IQCM: variants seen among roughly 807,000 people sequenced by gnomAD.
The protein encoded by IQCM is IQ domain-containing protein M.
IQCM carries 45 observed loss-of-function variants against 57.6 expected under a neutral mutation model. The ratio of observed to expected loss-of-function variants is 0.78; its 90% CI spans 0.62 to 1.00. The LOEUF (loss-of-function observed/expected upper bound fraction) is 1.00. Ranked by LOEUF, IQCM falls within the 50% of genes least tolerant of loss-of-function variation. The pLI is 0.00. For missense variants in IQCM, 468 were observed against 511.6 expected (o/e 0.91, Z 0.82); for synonymous variants, 148 against 158.9 (o/e 0.93, Z 0.51).
chr4:149,685,404 C>T (rs768990551), intron 6 of IQCM, among the ~76,000 whole-genome samples: 1 of 151,410 alleles, frequency 6.6e-6, no homozygotes, highest in Non-Finnish European at 1.5e-5. Flanking sequence ...AATTTCTTTT[C>T]CTTTGTAATT....
chr4:149,540,600 GC>G (rs1747755427), intron 12 of IQCM, among the ~76,000 whole-genome samples: 1 of 151,996 alleles, frequency 6.6e-6, no homozygotes, highest in Non-Finnish European at 1.5e-5. Flanking sequence ...TATGCATGAA[GC>G]CTGAAAATAA....
Position 149,357,618 on chromosome 4 carries a change from T to G in IQCM, c.1391-5552A>C, listed in dbSNP as rs553138377. On this transcript the variant is annotated intron_variant, in intron 13 of 13. Transcript: ENST00000636793. ...GCCCACTTGGTTATGGTGGATAAGC[T>G]TTTTGATGCGTTGCTGGATACGTTT... Among the ~76,000 whole-genome samples, 22 of 152,330 alleles carry G rather than the reference T, an allele frequency of 1.4e-4. 2 individuals are homozygous for G. The highest frequency in any genetic ancestry group is 4.6e-4 in the African/African-American group (19 of 41,570).
intron 12 of IQCM, among the ~76,000 whole-genome samples, chr4:149,528,212 C>T (rs1350160566): frequency 6.6e-6 from 1 of 152,020 alleles, no homozygotes; most frequent in African/African-American, 2.4e-5. Context: ...TCTTGAACTA[C>T]TGACCTCAGA....
chr4:149,735,782 T>C (rs765195954), intron 3 of IQCM, among the ~76,000 whole-genome samples: 4 of 152,182 alleles, frequency 2.6e-5, no homozygotes, highest in Non-Finnish European at 5.9e-5. Context: ...ACTTGATGAC[T>C]AATGTATGAA....
chr4:149,725,534 C>A (rs1765812910), intron 5 of IQCM, among the ~76,000 whole-genome samples: 1 of 152,158 alleles, frequency 6.6e-6, no homozygotes, highest in South Asian at 2.1e-4. Flanking sequence ...TTCCTAGTAG[C>A]ATGTCTCTGA....
intron 7 of IQCM, among the ~76,000 whole-genome samples, chr4:149,652,618 C>G (rs1759293331): frequency 6.7e-6 from 1 of 149,644 alleles, no homozygotes; most frequent in Admixed American, 6.7e-5. Flanking sequence ...GCCAACAGTT[C>G]AATAAAGTAG....
At chr4:149,355,620 T>C (rs567785526) in intron 13 of IQCM, among the ~76,000 whole-genome samples, 3 of 152,246 alleles carry the variant, frequency 2.0e-5, no homozygotes, top group East Asian at 1.9e-4. Flanking sequence ...ATTTGTGCCA[T>C]ATTTTCTTAA....
At chr4:149,665,153 G>A (rs1294086811) in intron 7 of IQCM, among the ~76,000 whole-genome samples, 1 of 152,124 alleles carries the variant, frequency 6.6e-6, no homozygotes, top group Non-Finnish European at 1.5e-5. Context: ...CACTCTGGTA[G>A]TAGGTCCAGC....
chr4:149,713,873 C>G (rs1454540171), intron 5 of IQCM, among the ~76,000 whole-genome samples: 1 of 152,098 alleles, frequency 6.6e-6, no homozygotes, highest in East Asian at 1.9e-4. Context: ...CCCTCTCCTC[C>G]TAATTGTTTC....
chr4:149,676,117 G>A lies in IQCM; in HGVS notation c.565+6001C>T, dbSNP rs142759497. On this transcript the variant is annotated intron_variant, in intron 7 of 13. Transcript: ENST00000636793. ...AATGATCAGTAAAATGAACACTTGA[G>A]GAATATCAATTTAAGAGTGACCTAC... Among the ~76,000 whole-genome samples, 953 of 152,078 alleles carry A rather than the reference G, an allele frequency of 6.3e-3. 5 individuals are homozygous for A. The highest frequency in any genetic ancestry group is 0.021 in the African/African-American group (878 of 41,506).
At chr4:149,630,411 C>T (rs1240349995) in intron 7 of IQCM, among the ~76,000 whole-genome samples, 1 of 152,084 alleles carries the variant, frequency 6.6e-6, no homozygotes, top group Admixed American at 6.6e-5. Flanking sequence ...ACATGTTTTA[C>T]AGATAACAGT....
intron 12 of IQCM, among the ~76,000 whole-genome samples, chr4:149,474,545 T>G (rs1470733343): frequency 2.3e-5 from 2 of 88,370 alleles, no homozygotes; most frequent in Non-Finnish European, 4.4e-5. Context: ...CCGTCACTAC[T>G]AAAAATACAA....
intron 12 of IQCM, among the ~76,000 whole-genome samples, chr4:149,485,013 G>C (rs1741318129): frequency 6.6e-6 from 1 of 151,886 alleles, no homozygotes; most frequent in Non-Finnish European, 1.5e-5. Context: ...TCTAACTTTA[G>C]CACTTTAAAT....
At chr4:149,706,076 T>C (rs961179562) in intron 5 of IQCM, among the ~76,000 whole-genome samples, 4 of 151,966 alleles carry the variant, frequency 2.6e-5, no homozygotes, top group Non-Finnish European at 5.9e-5. Context: ...TAGGATATTC[T>C]TTTTTAAAAA....
At chr4:149,668,253 A>G (rs769916803) in intron 7 of IQCM, among the ~76,000 whole-genome samples, 2 of 152,208 alleles carry the variant, frequency 1.3e-5, no homozygotes, top group Non-Finnish European at 2.9e-5. Flanking sequence ...ACGAGCCAGA[A>G]GAGAGTGGGG....
chr4:149,389,580 T>C (rs1204209236), intron 13 of IQCM, among the ~76,000 whole-genome samples: 1 of 151,678 alleles, frequency 6.6e-6, no homozygotes, highest in African/African-American at 2.4e-5. Context: ...AAATTGGAAA[T>C]CATCATTCTC....
chr4:149,448,705 T>C (rs553541951), intron 12 of IQCM, among the ~76,000 whole-genome samples: 1 of 151,912 alleles, frequency 6.6e-6, no homozygotes, highest in South Asian at 2.1e-4. Context: ...TTATAAACAA[T>C]TTTATACCAA....
At chr4:149,688,521 T>C (rs1441246267) in intron 5 of IQCM, among the ~76,000 whole-genome samples, 1 of 152,052 alleles carries the variant, frequency 6.6e-6, no homozygotes, top group East Asian at 1.9e-4. Flanking sequence ...AAAATGACCA[T>C]ACTGCCAAAA....
chr4:149,537,466 T>C (rs1281132471), intron 12 of IQCM, among the ~76,000 whole-genome samples: 1 of 151,770 alleles, frequency 6.6e-6, no homozygotes, highest in Non-Finnish European at 1.5e-5. Context: ...CACCAGAGAC[T>C]TGTGGGAAAA....
Sources: gnomAD v4.1 joint callset for allele counts (sites outside exome capture counted in the v4.1 genomes callset) on GRCh38, gnomAD v4.1.1 for gene constraint, MANE v1.5 for transcripts, NCBI Gene and HGNC (gene_info 2026-07-23, HGNC 2026-07-21) for gene names.